The following CNTNAP2 variants were observed in gnomAD, a reference collection of about 807,000 sequenced individuals.
CNTNAP2 encodes the protein contactin associated protein 2.
CNTNAP2 carries 98 observed loss-of-function variants against 155.2 expected under a neutral mutation model. That is an observed-to-expected ratio of 0.63 (90% CI 0.54 to 0.75). CNTNAP2 has a LOEUF of 0.75. CNTNAP2 is among the 30% of genes least tolerant of loss of function. The pLI, the probability that CNTNAP2 is intolerant of heterozygous loss-of-function variation, is 0.00. For synonymous variants in CNTNAP2, 651 were observed against 631.2 expected (o/e 1.03, Z -0.47); for missense variants, 1,727 against 1,688.1 (o/e 1.02, Z -0.40).
intron 9 of CNTNAP2, among the ~76,000 whole-genome samples, chr7:147,353,793 T>G (rs1347339423): frequency 6.6e-6 from 1 of 152,108 alleles, no homozygotes; most frequent in Admixed American, 6.5e-5. Flanking sequence ...TTTCTCCACA[T>G]CTTCTCCAGC....
At chr7:146,954,609 C>T (rs1797394764) in intron 3 of CNTNAP2, among the ~76,000 whole-genome samples, 1 of 151,650 alleles carries the variant, frequency 6.6e-6, no homozygotes, top group African/African-American at 2.4e-5. Flanking sequence ...TTTTTTTTCC[C>T]TATTCTGTGC....
chr7:148,284,645 A>G (rs1210067326), intron 21 of CNTNAP2, among the ~76,000 whole-genome samples: 1 of 151,576 alleles, frequency 6.6e-6, no homozygotes, highest in African/African-American at 2.4e-5. Flanking sequence ...TTCCTATAGC[A>G]TAAAGACTGG....
At position 147,496,105 on chromosome 7, in the gene CNTNAP2, TC is replaced by T. The variant is rs1416817236; in HGVS notation, c.1777+10067del. 3.9e-5 allele frequency among the ~76,000 whole-genome samples: 6 copies of T among 152,224 alleles called. No homozygotes were observed. The South Asian group carries it at 1.0e-3, about 26-fold the overall frequency. On this transcript the variant is annotated intron_variant, in intron 11 of 23. Coordinates refer to ENST00000361727, the MANE Select transcript of CNTNAP2 (RefSeq NM_014141.6). ...AGTTGCAGGAAAACAAGCTCAGGGC[TC>T]CCACTGATTTTACATTATGGTGAGT...
At chr7:147,610,319 G>C (rs1295352491) in intron 12 of CNTNAP2, among the ~76,000 whole-genome samples, 3 of 151,600 alleles carry the variant, frequency 2.0e-5, no homozygotes, top group Admixed American at 6.6e-5. Flanking sequence ...TTGTTTGTTT[G>C]TTTCTTTTTG....
chr7:147,350,445 C>T (rs959536580), intron 9 of CNTNAP2, among the ~76,000 whole-genome samples: 1 of 151,814 alleles, frequency 6.6e-6, no homozygotes, highest in Non-Finnish European at 1.5e-5. Context: ...GTACTCATTT[C>T]CCATAAATAA....
chr7:147,677,852 T>G (rs1167209699), intron 13 of CNTNAP2, among the ~76,000 whole-genome samples: 3 of 151,720 alleles, frequency 2.0e-5, no homozygotes, highest in Admixed American at 6.6e-5. Context: ...TTTCTGGAGT[T>G]CCTATCTTGT....
intron 1 of CNTNAP2, among the ~76,000 whole-genome samples, chr7:146,390,413 A>G (rs1404690699): frequency 6.6e-6 from 1 of 152,010 alleles, no homozygotes; most frequent in Non-Finnish European, 1.5e-5. Flanking sequence ...TGACGACTGC[A>G]AAGTGTCACA....
intron 11 of CNTNAP2, among the ~76,000 whole-genome samples, chr7:147,538,379 C>T (rs1262197322): frequency 1.3e-5 from 2 of 152,150 alleles, no homozygotes; most frequent in Non-Finnish European, 2.9e-5. Context: ...AGGCCAAGTG[C>T]AGTGACTCAC....
chr7:147,421,753 C>G (rs1322497488), intron 10 of CNTNAP2, among the ~76,000 whole-genome samples: 1 of 151,926 alleles, frequency 6.6e-6, no homozygotes, highest in East Asian at 1.9e-4. Context: ...GGGGTGGATC[C>G]CTTGTCAATG....
intron 13 of CNTNAP2, among the ~76,000 whole-genome samples, chr7:147,791,753 T>C (rs1191586093): frequency 6.6e-6 from 1 of 152,140 alleles, no homozygotes; most frequent in Non-Finnish European, 1.5e-5. Context: ...GGGTTTCCTC[T>C]GTACTCATTG....
At chr7:146,948,337 T>A (rs369466285) in intron 3 of CNTNAP2, among the ~76,000 whole-genome samples, 1 of 78,964 alleles carries the variant, frequency 1.3e-5, no homozygotes, top group African/African-American at 4.3e-5. Context: ...TGACAGAAAA[T>A]TAAGTTCATG....
intron 2 of CNTNAP2, among the ~76,000 whole-genome samples, chr7:146,832,520 T>C (rs972937011): frequency 6.8e-6 from 1 of 147,990 alleles, no homozygotes; most frequent in African/African-American, 2.5e-5. Flanking sequence ...TTTATATATG[T>C]ACATATTAAT....
At chr7:147,327,378 T>G (rs1316589077) in intron 9 of CNTNAP2, among the ~76,000 whole-genome samples, 1 of 152,170 alleles carries the variant, frequency 6.6e-6, no homozygotes, top group Admixed American at 6.5e-5. Flanking sequence ...GACACTAATC[T>G]CTTTTAGCCA....
intron 8 of CNTNAP2, among the ~76,000 whole-genome samples, chr7:147,240,419 T>C (rs2116636195): frequency 6.6e-6 from 1 of 152,336 alleles, no homozygotes; most frequent in South Asian, 2.1e-4. Context: ...ATAAACAAGG[T>C]GATTAGCTCA....
At chr7:146,317,718 CAT>C (rs1800932042) in intron 1 of CNTNAP2, among the ~76,000 whole-genome samples, 1 of 152,198 alleles carries the variant, frequency 6.6e-6, no homozygotes, top group Non-Finnish European at 1.5e-5. Context: ...CTGATGCTGT[CAT>C]ATTGGCAGAA....
At chr7:147,312,411 C>A (rs36200599) in intron 9 of CNTNAP2, among the ~76,000 whole-genome samples, 1 of 135,654 alleles carries the variant, frequency 7.4e-6, no homozygotes, top group Admixed American at 7.7e-5. Flanking sequence ...ACCGTCCCCC[C>A]TCCCCCGACC....
At chr7:146,712,252 A>AATATGTATACATATCTTATGTATACAT (rs1280191975) in intron 1 of CNTNAP2, among the ~76,000 whole-genome samples, 593 of 51,040 alleles carry the variant, frequency 0.012, 57 homozygotes, top group African/African-American at 0.02. Flanking sequence ...TATGTATACA[A>AATATGTATACATATCTTATGTATACAT]ATATGTATAC....
intron 9 of CNTNAP2, among the ~76,000 whole-genome samples, chr7:147,394,422 C>T (rs893755712): frequency 9.2e-5 from 14 of 151,732 alleles, no homozygotes; most frequent in African/African-American, 3.1e-4. Context: ...AACTTTGGTT[C>T]CATCCCATTT....
At chr7:147,254,884 C>A (rs1804286835) in intron 8 of CNTNAP2, among the ~76,000 whole-genome samples, 1 of 152,264 alleles carries the variant, frequency 6.6e-6, no homozygotes, top group Admixed American at 6.5e-5. Context: ...TGAAGAATTT[C>A]TTACTCTAAA....
Sources: allele counts gnomAD v4.1 joint callset (sites outside exome capture counted in the v4.1 genomes callset), GRCh38; gene constraint gnomAD v4.1.1; transcripts MANE v1.5; gene names NCBI Gene and HGNC (gene_info 2026-07-23, HGNC 2026-07-21).